RANBP17: variants seen among roughly 807,000 people sequenced by gnomAD.
The protein encoded by RANBP17 is ran-binding protein 17.
RANBP17 carries 158 observed loss-of-function variants against 141.2 expected under a neutral mutation model. The observed-to-expected ratio is 1.12, with a 90% confidence interval of 0.98 to 1.28. The LOEUF is 1.28. RANBP17 is among the 50% of genes most tolerant of loss of function. The pLI, the probability that RANBP17 is intolerant of heterozygous loss-of-function variation, is 0.00. For synonymous variants in RANBP17, 430 were observed against 450.0 expected, an observed-to-expected ratio of 0.96 and a Z score of 0.56; for missense variants, 1,438 against 1,290.7, an observed-to-expected ratio of 1.11 and a Z score of -1.75.
intron 3 of RANBP17, among the ~76,000 whole-genome samples, chr5:170,889,547 G>C (rs532253255): frequency 2.6e-5 from 4 of 152,188 alleles, no homozygotes; most frequent in African/African-American, 9.6e-5. Flanking sequence ...TGGCCTATAA[G>C]ACAGAATAAT....
At chr5:170,921,268 T>A (rs1581150046) in intron 11 of RANBP17, among the ~76,000 whole-genome samples, 1 of 152,332 alleles carries the variant, frequency 6.6e-6, no homozygotes, top group South Asian at 2.1e-4. Flanking sequence ...AATTTTTGTG[T>A]AAGGTGTAAG....
chr5:170,985,230 C>T (rs1434532890), intron 14 of RANBP17, among the ~76,000 whole-genome samples: 1 of 152,066 alleles, frequency 6.6e-6, no homozygotes, highest in Non-Finnish European at 1.5e-5. Flanking sequence ...TTCTTAAATC[C>T]CTTTATTCAA....
At position 170,911,334 on chromosome 5, in the gene RANBP17, A is replaced by G. The variant is rs1771509554; in HGVS notation, c.760+200A>G. On this transcript the variant is annotated intron_variant, in intron 7 of 27. Coordinates refer to ENST00000523189, the MANE Select transcript of RANBP17 (RefSeq NM_022897.5). ...TATAGTAACTTCTATATTTTGATTT[A>G]GGAAAAAAGAAAAAACAAGGACTGC... The G allele has an allele frequency of 2.2e-5, 13 of 587,712 alleles. No homozygotes were observed. In the South Asian group the frequency reaches 2.9e-4, roughly 13 times the overall value. The allele number at this position is 587,712 out of a possible 1,614,324, so 36.4% of individuals were successfully genotyped here.
intron 1 of RANBP17, among the ~76,000 whole-genome samples, chr5:170,870,551 A>T (rs1186928409): frequency 6.6e-6 from 1 of 152,142 alleles, no homozygotes; most frequent in Non-Finnish European, 1.5e-5. Context: ...ACATGATCTC[A>T]TTCCTTTTTA....
chr5:170,896,252 G>C, intron 5 of RANBP17, 137 bp downstream of exon 5: 1 of 610,944 alleles, frequency 1.6e-6, no homozygotes, highest in South Asian at 2.2e-5. Flanking sequence ...TTTTGTGTGT[G>C]TATCTGTTTT....
At position 171,189,272 on chromosome 5, in the gene RANBP17, T is replaced by G. The variant is rs574941620; in HGVS notation, c.2038+5842T>G. Among the ~76,000 whole-genome samples the G allele has an allele frequency of 2.0e-5, 3 of 152,346 alleles. No individual in the cohort carries two copies. The South Asian group carries it at 6.2e-4, about 32-fold the overall frequency. ...TGAAAAGAAACTCCTTCCTTATTTA[T>G]CAGTAATTTTTACTTTTTAAAATAA... On this transcript the variant is annotated intron_variant, in intron 18 of 27. Coordinates refer to ENST00000523189, the MANE Select transcript of RANBP17 (RefSeq NM_022897.5).
chr5:171,244,359 C>T (rs1049324498), intron 24 of RANBP17, among the ~76,000 whole-genome samples: 1 of 152,068 alleles, frequency 6.6e-6, no homozygotes, highest in Admixed American at 6.5e-5. Context: ...GCCTGGGCAA[C>T]GAACGAAACT....
intron 14 of RANBP17, among the ~76,000 whole-genome samples, chr5:171,092,196 A>C (rs1786344544): frequency 1.3e-5 from 2 of 152,196 alleles, no homozygotes; most frequent in Admixed American, 6.5e-5. Context: ...AAAGGAAAAA[A>C]ATTTCCTTTC....
chr5:171,232,868 C>T (rs1455356065), intron 22 of RANBP17, among the ~76,000 whole-genome samples: 2 of 152,070 alleles, frequency 1.3e-5, no homozygotes, highest in African/African-American at 2.4e-5. Flanking sequence ...ATTTATTAAT[C>T]GCCTTTAGCT....
chr5:170,935,000 C>T (rs998974089), intron 12 of RANBP17, among the ~76,000 whole-genome samples: 3 of 152,174 alleles, frequency 2.0e-5, no homozygotes, highest in African/African-American at 2.4e-5. Flanking sequence ...GACTTTTGTT[C>T]ATTTCTTTTT....
At chr5:171,062,025 C>T (rs1783910285) in intron 14 of RANBP17, among the ~76,000 whole-genome samples, 2 of 151,634 alleles carry the variant, frequency 1.3e-5, no homozygotes, top group African/African-American at 2.4e-5. Context: ...GATCTTCCTC[C>T]ATCCTTTTAT....
At chr5:171,153,157 T>G (rs1164856032) in intron 14 of RANBP17, among the ~76,000 whole-genome samples, 1 of 152,046 alleles carries the variant, frequency 6.6e-6, no homozygotes, top group Admixed American at 6.6e-5. Context: ...TTGATTAGAG[T>G]GAGATGGTCA....
At chr5:170,886,916 G>C (rs1171115829) in intron 3 of RANBP17, among the ~76,000 whole-genome samples, 2 of 151,944 alleles carry the variant, frequency 1.3e-5, no homozygotes, top group Admixed American at 1.3e-4. Flanking sequence ...GCCTGCCTCA[G>C]CCTCCCAAAG....
intron 12 of RANBP17, among the ~76,000 whole-genome samples, chr5:170,928,432 A>C (rs1421528076): frequency 6.6e-6 from 1 of 152,036 alleles, no homozygotes; most frequent in Non-Finnish European, 1.5e-5. Context: ...TGCTATGAAG[A>C]GTTCTATGAT....
chr5:170,985,068 TACAC>T lies in RANBP17; in HGVS notation c.1710+16697_1710+16700del, dbSNP rs1343179655. Among the ~76,000 whole-genome samples the T allele has an allele frequency of 7.4e-5, 11 of 148,952 alleles. No individual in the cohort carries two copies. The East Asian group carries it at 7.9e-4, about 11-fold the overall frequency. On this transcript the variant is annotated intron_variant, in intron 14 of 27. Transcript: ENST00000523189. ...ACACACAGACACACACAGACACATATACACACACAGGCACACACACACGCAGAAC... is the reference window on the plus strand; with the variant it reads ...ACACACAGACACACACAGACACATATACACAGGCACACACACACGCAGAAC...
At chr5:171,232,786 A>G (rs1764281499) in intron 22 of RANBP17, among the ~76,000 whole-genome samples, 1 of 152,122 alleles carries the variant, frequency 6.6e-6, no homozygotes, top group Non-Finnish European at 1.5e-5. Context: ...TCATTGTTCT[A>G]TGTTAACATA....
intron 8 of RANBP17, among the ~76,000 whole-genome samples, chr5:170,915,674 G>A (rs565300238): frequency 6.6e-6 from 1 of 152,090 alleles, no homozygotes; most frequent in South Asian, 2.1e-4. Context: ...CATTTTTTAA[G>A]ATGCTAATAG....
chr5:171,140,661 C>T (rs1757626262), intron 14 of RANBP17, among the ~76,000 whole-genome samples: 2 of 152,170 alleles, frequency 1.3e-5, no homozygotes, highest in African/African-American at 4.8e-5. Context: ...TTGTACAAGG[C>T]ACAATGGAGC....
chr5:171,273,599 T>C (rs904272208), intron 25 of RANBP17, among the ~76,000 whole-genome samples: 1 of 152,176 alleles, frequency 6.6e-6, no homozygotes, highest in Non-Finnish European at 1.5e-5. Flanking sequence ...AAATTCAGAT[T>C]TTAAATGTAG....
Sources: allele counts gnomAD v4.1 joint callset (sites outside exome capture counted in the v4.1 genomes callset), GRCh38; gene constraint gnomAD v4.1.1; transcripts MANE v1.5; gene names NCBI Gene and HGNC (gene_info 2026-07-23, HGNC 2026-07-21).